The following KCNMA1 variants were observed in gnomAD, a reference collection of about 807,000 sequenced individuals.
The protein encoded by KCNMA1 is Calcium-activated potassium channel subunit alpha-1.
Under a neutral mutation model 140.0 loss-of-function variants are expected in KCNMA1, and 29 were observed. The ratio of observed to expected loss-of-function variants is 0.21; its 90% CI spans 0.15 to 0.28. KCNMA1 has a LOEUF of 0.28. Ranked by LOEUF, KCNMA1 falls within the 10% of genes least tolerant of loss-of-function variation. The probability of loss-of-function intolerance (pLI) is 1.00; values close to 1 mark genes in which losing one functional copy is unlikely to be tolerated. For synonymous variants in KCNMA1, 612 were observed against 611.9 expected (o/e 1.00, Z 0.00); for missense variants, 880 against 1,602.2 (o/e 0.55, Z 7.70).
intron 1 of KCNMA1, among the ~76,000 whole-genome samples, chr10:77,488,184 C>T (rs11002179): frequency 0.25 from 37,663 of 152,080 alleles, 4,912 homozygotes; most frequent in East Asian, 0.53. Context: ...CCCAAAGACC[C>T]TCAAAGGCTG....
intron 18 of KCNMA1, among the ~76,000 whole-genome samples, chr10:77,010,863 T>A (rs1304324957): frequency 6.6e-6 from 1 of 151,842 alleles, no homozygotes; most frequent in African/African-American, 2.4e-5. Context: ...TTCTTACTCA[T>A]CAGACCCAAG....
At chr10:77,084,791 G>T in intron 11 of KCNMA1, 72 bp from the exon 12 acceptor site, 1 of 1,031,072 alleles carries the variant, frequency 9.7e-7, no homozygotes, top group Non-Finnish European at 1.5e-6. Context: ...GTCTCTCTCT[G>T]TTGACAGCTT....
intron 13 of KCNMA1, among the ~76,000 whole-genome samples, chr10:77,076,619 G>A (rs998673630): frequency 1.8e-4 from 28 of 152,280 alleles, no homozygotes; most frequent in Non-Finnish European, 2.5e-4. Context: ...GCAGAGCTGC[G>A]CTGTCTATAC....
intron 18 of KCNMA1, among the ~76,000 whole-genome samples, chr10:77,008,663 T>C (rs765803845): frequency 6.6e-6 from 1 of 152,068 alleles, no homozygotes; most frequent in African/African-American, 2.4e-5. Context: ...GAAGGCTGGG[T>C]TGGGGAAGGA....
chr10:77,513,905 A>T lies in KCNMA1; in HGVS notation c.379-109882T>A, dbSNP rs1291143283. 2.0e-5 allele frequency among the ~76,000 whole-genome samples: 3 copies of T among 152,184 alleles called. No homozygotes were observed. The East Asian group carries it at 5.8e-4, about 29-fold the overall frequency. On this transcript the variant is annotated intron_variant, in intron 1 of 27. Transcript: ENST00000286628. ...AGGGCTGACTCAAGCTCATTGCATT[A>T]GCCCTCCCCTCCTGCATCTGGGCCC... is the stretch of plus-strand genomic sequence containing the variant.
chr10:77,069,585 A>G (rs990482745), intron 14 of KCNMA1, among the ~76,000 whole-genome samples: 5 of 152,170 alleles, frequency 3.3e-5, no homozygotes, highest in Non-Finnish European at 1.5e-5. Context: ...CATTACCCCC[A>G]AAGATATGGG....
intron 5 of KCNMA1, among the ~76,000 whole-genome samples, chr10:77,173,258 T>C (rs1020855929): frequency 2.2e-4 from 34 of 152,162 alleles, no homozygotes; most frequent in African/African-American, 8.2e-4. Context: ...TTATTAAAAA[T>C]GTGTTAACTT....
At chr10:77,554,597 CAAAAAAAAAAAAA>C (rs59754706) in intron 1 of KCNMA1, among the ~76,000 whole-genome samples, 1 of 84,100 alleles carries the variant, frequency 1.2e-5, no homozygotes, top group African/African-American at 4.3e-5. Context: ...TACTCCATCT[CAAAAAAAAAAAAA>C]AAAAAAAAGA....
intron 1 of KCNMA1, among the ~76,000 whole-genome samples, chr10:77,624,361 T>C (rs1314788684): frequency 6.6e-6 from 1 of 152,230 alleles, no homozygotes; most frequent in Non-Finnish European, 1.5e-5. Context: ...GGTGTGGCTA[T>C]ATCATTAGAA....
chr10:77,274,770 C>T (rs1516514), intron 2 of KCNMA1, among the ~76,000 whole-genome samples: 90,817 of 152,126 alleles, frequency 0.6, 28,870 homozygotes, highest in African/African-American at 0.82. Context: ...TGATTAATAA[C>T]TATCGATTGT....
intron 1 of KCNMA1, among the ~76,000 whole-genome samples, chr10:77,555,518 T>A (rs816863): frequency 6.6e-6 from 1 of 152,244 alleles, no homozygotes; most frequent in Non-Finnish European, 1.5e-5. Context: ...TTCAAGCTTG[T>A]CTTTCTGAAC....
At chr10:77,604,912 T>A (rs574846882) in intron 1 of KCNMA1, among the ~76,000 whole-genome samples, 2 of 150,370 alleles carry the variant, frequency 1.3e-5, no homozygotes, top group East Asian at 4.0e-4. Flanking sequence ...GTCAGGCAGC[T>A]TGGGCCACCC....
chr10:77,119,030 G>A (rs529658168), intron 6 of KCNMA1, among the ~76,000 whole-genome samples: 5 of 152,292 alleles, frequency 3.3e-5, no homozygotes, highest in East Asian at 3.9e-4. Context: ...TTTGGGGCCC[G>A]GATGGCAGAT....
At chr10:77,480,764 T>C (rs964139942) in intron 1 of KCNMA1, among the ~76,000 whole-genome samples, 1 of 151,902 alleles carries the variant, frequency 6.6e-6, no homozygotes, top group Non-Finnish European at 1.5e-5. Flanking sequence ...CTACCCACAG[T>C]AATCTCAACT....
At chr10:77,602,411 TG>T (rs2082950772) in intron 1 of KCNMA1, among the ~76,000 whole-genome samples, 1 of 151,978 alleles carries the variant, frequency 6.6e-6, no homozygotes, top group African/African-American at 2.4e-5. Context: ...AGGAGGGGTG[TG>T]GGGAGTGACT....
At chr10:77,482,991 T>TACACACACACACAC (rs56364046) in intron 1 of KCNMA1, among the ~76,000 whole-genome samples, 2 of 126,750 alleles carry the variant, frequency 1.6e-5, no homozygotes, top group African/African-American at 6.2e-5. Context: ...CTCTCTCACA[T>TACACACACACACAC]ACACACACAC....
chr10:77,208,443 C>T (rs2044873657), intron 3 of KCNMA1, among the ~76,000 whole-genome samples: 1 of 152,134 alleles, frequency 6.6e-6, no homozygotes, highest in South Asian at 2.1e-4. Flanking sequence ...AAGTTATGAT[C>T]ACACAACTCC....
chr10:77,101,229 T>C (rs1389971599), intron 9 of KCNMA1, among the ~76,000 whole-genome samples: 3 of 152,050 alleles, frequency 2.0e-5, no homozygotes, highest in Non-Finnish European at 2.9e-5. Flanking sequence ...TCAGAAGACA[T>C]GGCATCTAAT....
chr10:77,284,436 C>A (rs1487652600), intron 2 of KCNMA1, among the ~76,000 whole-genome samples: 2 of 152,118 alleles, frequency 1.3e-5, no homozygotes, highest in Non-Finnish European at 2.9e-5. Context: ...AACAGCAGAA[C>A]CAAATCAAAT....
Sources: allele counts gnomAD v4.1 joint callset (sites outside exome capture counted in the v4.1 genomes callset), GRCh38; gene constraint gnomAD v4.1.1; transcripts MANE v1.5; gene names NCBI Gene and HGNC (gene_info 2026-07-23, HGNC 2026-07-21).